The following ADCY8 variants were observed in gnomAD, a reference collection of about 807,000 sequenced individuals.
ADCY8 encodes the protein adenylate cyclase type 8.
In ADCY8, 51 loss-of-function variants were observed where a neutral mutation model predicts 119.7. The ratio of observed to expected loss-of-function variants is 0.43; its 90% confidence interval spans 0.34 to 0.54. The LOEUF is 0.54. Among genes scored for constraint, ADCY8 ranks in the 20% least tolerant of loss-of-function variants. ADCY8 has a pLI of 0.03. For synonymous variants in ADCY8, 665 were observed against 651.0 expected (o/e 1.02, Z -0.33); for missense variants, 1,383 against 1,598.8 (o/e 0.87, Z 2.30).
rs186485942 is a variant in ADCY8, at chr8:130,796,960, C to G, written c.3060+3466G>C. 4.0e-3 allele frequency among the ~76,000 whole-genome samples: 614 copies of G among 152,270 alleles called. 4 individuals are homozygous for G. The highest frequency in any genetic ancestry group is 0.014 in the African/African-American group (580 of 41,558). ...TTTTCCAACTTCCCTCTGCAAACAC[C>G]CATTTCAATCACTAGGGGCACTGCC... On this transcript the variant is annotated intron_variant, in intron 15 of 17. Coordinates refer to ENST00000286355, the MANE Select transcript of ADCY8 (RefSeq NM_001115.3).
At chr8:130,869,978 TCC>T (rs1282376784) in intron 8 of ADCY8, among the ~76,000 whole-genome samples, 1 of 120,408 alleles carries the variant, frequency 8.3e-6, no homozygotes, top group Non-Finnish European at 1.7e-5. Flanking sequence ...TCCTTCTTCC[TCC>T]TCCTCCTCCT....
intron 13 of ADCY8, among the ~76,000 whole-genome samples, chr8:130,820,190 C>G (rs1471527865): frequency 2.0e-5 from 3 of 151,950 alleles, no homozygotes; most frequent in South Asian, 2.1e-4. Flanking sequence ...CTATTTTTTT[C>G]TTGACTACAC....
At chr8:130,803,939 G>C (rs1412946999) in intron 14 of ADCY8, among the ~76,000 whole-genome samples, 1 of 152,236 alleles carries the variant, frequency 6.6e-6, no homozygotes, top group African/African-American at 2.4e-5. Context: ...GCTAGGTAGG[G>C]CTGGGCAGGG....
chr8:130,928,050 G>A (rs544876943), intron 5 of ADCY8, among the ~76,000 whole-genome samples: 217 of 152,156 alleles, frequency 1.4e-3, no homozygotes, highest in South Asian at 2.5e-3. Context: ...AGTAGTTACG[G>A]GATTACCAGT....
At chr8:131,038,340 TGCATCTCA>T (rs1824230168) in intron 1 of ADCY8, among the ~76,000 whole-genome samples, 1 of 152,150 alleles carries the variant, frequency 6.6e-6, no homozygotes, top group East Asian at 1.9e-4. Flanking sequence ...CCCCTGACCA[TGCATCTCA>T]CACCAGCCAT....
At chr8:130,835,624 T>C (rs1816962215) in intron 12 of ADCY8, among the ~76,000 whole-genome samples, 1 of 152,142 alleles carries the variant, frequency 6.6e-6, no homozygotes, top group East Asian at 1.9e-4. Context: ...CAGTAATACG[T>C]TTGTCCCTTG....
At chr8:130,837,632 C>A (rs373467645) in intron 11 of ADCY8, among the ~76,000 whole-genome samples, 2 of 152,300 alleles carry the variant, frequency 1.3e-5, no homozygotes, top group South Asian at 4.1e-4. Context: ...ATGGGAAGCT[C>A]CCCAGCCTAT....
At chr8:130,992,388 T>TATATTGAGCAACTGTGCCTGGCAC (rs1421938964) in intron 1 of ADCY8, among the ~76,000 whole-genome samples, 16 of 21,032 alleles carry the variant, frequency 7.6e-4, no homozygotes, top group African/African-American at 4.1e-3. Context: ...CTGGCATATA[T>TATATTGAGCAACTGTGCCTGGCAC]ATATATATAT....
chr8:130,836,412 C>T lies in ADCY8; in HGVS notation c.2540G>A (p.Cys847Tyr). The change falls in exon 12 of 18, where the codon TGT becomes TAT. Residue 847 changes from cysteine (C) to tyrosine (Y), a missense_variant. Transcript: ENST00000286355. ...GGAGTTCAGCCGGAGGAAAACTGCA[C>T]AGGTCACCATGGCCAACACCCCCGT... ...VFTGVLAMVTCAVFLRLNSVL... is the reference protein window; with the variant it reads ...VFTGVLAMVTYAVFLRLNSVL... The T allele has an allele frequency of 6.2e-7, 1 of 1,613,922 alleles. No individual in the cohort carries two copies.
At chr8:130,836,042 G>T (rs1004513173) in intron 12 of ADCY8, among the ~76,000 whole-genome samples, 7 of 152,106 alleles carry the variant, frequency 4.6e-5, no homozygotes. Context: ...GAGGAGACCT[G>T]AGCTACTATT....
chr8:130,948,936 C>T (rs1029827213), intron 3 of ADCY8, among the ~76,000 whole-genome samples: 5 of 152,084 alleles, frequency 3.3e-5, no homozygotes, highest in African/African-American at 4.8e-5. Flanking sequence ...TCCCGAAACC[C>T]CCGGAGCCGC....
At chr8:130,805,773 G>T (rs1815928870) in intron 14 of ADCY8, among the ~76,000 whole-genome samples, 4 of 152,222 alleles carry the variant, frequency 2.6e-5, no homozygotes, top group Admixed American at 2.6e-4. Flanking sequence ...TCAGTGGCTG[G>T]CAGGGAGCCT....
Position 130,807,983 on chromosome 8 carries a change from C to CAAAAA in ADCY8, c.2913+6081_2913+6085dup, listed in dbSNP as rs752321769. Among the ~76,000 whole-genome samples the CAAAAA allele has an allele frequency of 1.1e-3, 52 of 47,236 alleles. 2 individuals are homozygous for CAAAAA. The highest frequency in any genetic ancestry group is 2.5e-3 in the African/African-American group (38 of 15,460). 31.0% of individuals were successfully genotyped at this position (47,236 alleles called of 152,430 possible). A position where few individuals can be genotyped will look rare whatever the true frequency, so the allele number is the denominator to read the frequency against. ...TGGGTGACAGAGCGAGACTCCGTCT[C>CAAAAA]AAAAAAAAAAAAAAAAAAAAAAAAA... is the stretch of plus-strand genomic sequence containing the variant. On this transcript the variant is annotated intron_variant, in intron 14 of 17. Coordinates refer to ENST00000286355, the MANE Select transcript of ADCY8 (RefSeq NM_001115.3).
intron 13 of ADCY8, among the ~76,000 whole-genome samples, chr8:130,818,819 A>G (rs1816422681): frequency 1.3e-5 from 2 of 152,190 alleles, no homozygotes; most frequent in Non-Finnish European, 2.9e-5. Flanking sequence ...GTGGCATGTG[A>G]AGGAAACAGA....
Position 130,780,428 on chromosome 8 carries a change from C to T in ADCY8, c.3718G>A (p.Ala1240Thr), listed in dbSNP as rs80316823. Residue 1240 changes from alanine to threonine, a missense_variant, in exon 18 of 18, where the codon GCC becomes ACC. Ala to Thr is a moderately conservative substitution (Grantham distance 58). Transcript: ENST00000286355. Reference protein sequence around the residue: ...LLSPSGTEPGAQAEGTDKSDL... With the variant: ...LLSPSGTEPGTQAEGTDKSDL... ...GATTTGTCGGTGCCTTCAGCCTGGG[C>T]TCCAGGCTCTGTGCCGCTGGGTGAC... 2 of 1,610,392 alleles carry T rather than the reference C, an allele frequency of 1.2e-6. No individual in the cohort carries two copies. The highest frequency in any genetic ancestry group is 1.7e-4 in the Middle Eastern group (1 of 6,040).
At chr8:130,806,621 T>G (rs1394753612) in intron 14 of ADCY8, among the ~76,000 whole-genome samples, 1 of 152,124 alleles carries the variant, frequency 6.6e-6, no homozygotes, top group Non-Finnish European at 1.5e-5. Context: ...CGTTTGACAT[T>G]GGAGGCAGCA....
At chr8:130,884,340 C>G (rs761616336) in intron 8 of ADCY8, among the ~76,000 whole-genome samples, 2 of 152,134 alleles carry the variant, frequency 1.3e-5, no homozygotes, top group African/African-American at 2.4e-5. Flanking sequence ...GTCTTCTTTT[C>G]CTTAAAGAGC....
intron 7 of ADCY8, among the ~76,000 whole-genome samples, chr8:130,897,661 A>G (rs1318072574): frequency 3.0e-3 from 3 of 994 alleles, no homozygotes; most frequent in Admixed American, 0.018. Context: ...ACCCACATAT[A>G]TGAGAGGGTG....
intron 2 of ADCY8, among the ~76,000 whole-genome samples, chr8:130,958,886 GTCTA>G (rs1278262819): frequency 3.3e-5 from 5 of 151,178 alleles, no homozygotes. Flanking sequence ...CTTGTTTATT[GTCTA>G]TCTATTTCAC....
Sources: allele counts gnomAD v4.1 joint callset (sites outside exome capture counted in the v4.1 genomes callset), GRCh38; gene constraint gnomAD v4.1.1; transcripts MANE v1.5; gene names NCBI Gene and HGNC (gene_info 2026-07-23, HGNC 2026-07-21).